Variants in GNG4 observed in about 807,000 individuals in gnomAD.
GNG4 encodes the protein guanine nucleotide-binding protein G(I)/G(S)/G(O) subunit gamma-4.
In GNG4, 4 loss-of-function variants were observed where a neutral mutation model predicts 5.8. The observed-to-expected ratio is 0.69, with a 90% CI of 0.34 to 1.57. The LOEUF is 1.57. Among genes scored for constraint, GNG4 ranks in the 40% most tolerant of loss-of-function variants. GNG4 has a pLI of 0.06. For synonymous variants in GNG4, 29 were observed against 32.9 expected (o/e 0.88, Z 0.41); for missense variants, 96 against 95.1 (o/e 1.01, Z -0.04).
chr1:235,572,319 C>A lies in GNG4; in HGVS notation c.99+11421G>T, dbSNP rs572577842. Among the ~76,000 whole-genome samples the A allele has an allele frequency of 6.6e-5, 10 of 152,224 alleles. No homozygotes were observed. In the South Asian group the frequency reaches 1.7e-3, roughly 25 times the overall value. On this transcript the variant is annotated intron_variant, in intron 3 of 3. Transcript: ENST00000391854. ...GGTTCAAGCGATTCTCTTGCCTCAG[C>A]CTCCCAAGTAGCTGGAATTACAGGC... is the stretch of plus-strand genomic sequence containing the variant.
intron 3 of GNG4, among the ~76,000 whole-genome samples, chr1:235,580,420 TTA>T (rs1455805869): frequency 1.3e-5 from 2 of 152,228 alleles, no homozygotes; most frequent in Non-Finnish European, 2.9e-5. Context: ...AAATTGTATG[TTA>T]TATATATTTT....
chr1:235,583,616 T>G, intron 3 of GNG4, 124 bp downstream of exon 3: 1 of 632,170 alleles, frequency 1.6e-6, no homozygotes, highest in South Asian at 2.0e-5. Flanking sequence ...ATGTTACAGC[T>G]GCCAAGGTTG....
intron 3 of GNG4, among the ~76,000 whole-genome samples, chr1:235,578,344 C>T (rs1267322241): frequency 2.0e-5 from 3 of 152,164 alleles, no homozygotes; most frequent in Non-Finnish European, 4.4e-5. Context: ...AAATTTAGTA[C>T]AGCCATTTTG....
intron 1 of GNG4, among the ~76,000 whole-genome samples, chr1:235,596,233 C>A (rs1235065542): frequency 6.7e-6 from 1 of 148,586 alleles, no homozygotes; most frequent in African/African-American, 2.5e-5. Flanking sequence ...CACACACACA[C>A]ACACACACAC....
At chr1:235,607,326 T>C (rs1420180159) in intron 1 of GNG4, among the ~76,000 whole-genome samples, 1 of 136,276 alleles carries the variant, frequency 7.3e-6, no homozygotes, top group African/African-American at 3.7e-5. Flanking sequence ...CCAATAAAAC[T>C]AATTATTCTT....
intron 1 of GNG4, among the ~76,000 whole-genome samples, chr1:235,608,416 T>G (rs1688407939): frequency 6.6e-6 from 1 of 152,248 alleles, no homozygotes; most frequent in Admixed American, 6.5e-5. Context: ...TGACGTTTAG[T>G]ACATCCACAA....
intron 3 of GNG4, among the ~76,000 whole-genome samples, chr1:235,554,309 A>C (rs1466976093): frequency 6.6e-6 from 1 of 152,208 alleles, no homozygotes; most frequent in Non-Finnish European, 1.5e-5. Flanking sequence ...CACCATGCCC[A>C]GAGATGCAGA....
intron 3 of GNG4, among the ~76,000 whole-genome samples, chr1:235,560,200 A>G (rs942996846): frequency 1.3e-5 from 2 of 152,202 alleles, no homozygotes; most frequent in South Asian, 4.1e-4. Flanking sequence ...GGATGCCATC[A>G]TATATTGCCG....
intron 3 of GNG4, among the ~76,000 whole-genome samples, chr1:235,571,774 G>A (rs574145969): frequency 6.6e-6 from 1 of 152,240 alleles, no homozygotes; most frequent in South Asian, 2.1e-4. Context: ...ATAGGGTATA[G>A]CCTATAGATT....
chr1:235,632,973 C>G (rs1318096628), intron 1 of GNG4, among the ~76,000 whole-genome samples: 1 of 152,172 alleles, frequency 6.6e-6, no homozygotes. Flanking sequence ...TGCTGATCAT[C>G]TGTTCCATAC....
chr1:235,619,274 G>A (rs953676477), intron 1 of GNG4, among the ~76,000 whole-genome samples: 1 of 150,890 alleles, frequency 6.6e-6, no homozygotes, highest in African/African-American at 2.4e-5. Flanking sequence ...GTGTGGGCCT[G>A]TAGTCCCAAA....
At chr1:235,590,404 G>A (rs867083683) in intron 2 of GNG4, among the ~76,000 whole-genome samples, 13 of 151,964 alleles carry the variant, frequency 8.6e-5, no homozygotes, top group Non-Finnish European at 1.2e-4. Context: ...GCAGTGAGCC[G>A]AGATTGCGCC....
upstream of GNG4, among the ~76,000 whole-genome samples, chr1:235,650,322 C>CG (rs540472610): frequency 3.6e-5 from 2 of 55,988 alleles, no homozygotes; most frequent in African/African-American, 1.7e-4. Context: ...GGGGCGGGGC[C>CG]GGGGGGGAAA....
At chr1:235,554,268 A>T (rs1395223531) in intron 3 of GNG4, among the ~76,000 whole-genome samples, 1 of 152,172 alleles carries the variant, frequency 6.6e-6, no homozygotes, top group East Asian at 1.9e-4. Context: ...TGCTGGAGTG[A>T]TGACCTCCTT....
Position 235,572,175 on chromosome 1 carries a change from A to G in GNG4, c.99+11565T>C, listed in dbSNP as rs10926066. ...CACAATGGTAAGTATCTGTGTATCT[A>G]AACAGCTAAACAGAAAAGGTAAGGT... On this transcript the variant is annotated intron_variant, in intron 3 of 3. Coordinates refer to ENST00000391854, the MANE Select transcript of GNG4 (RefSeq NM_001098722.2). 1.9e-3 allele frequency among the ~76,000 whole-genome samples: 126 copies of G among 66,154 alleles called. No individual in the cohort carries two copies. The African/African-American group carries it at 0.019, about 10-fold the overall frequency. 43.4% of individuals were successfully genotyped at this position (66,154 alleles called of 152,430 possible).
chr1:235,583,876 G>C (rs1253169340), intron 2 of GNG4, 28 bp from the exon 3 acceptor site: 3 of 1,426,720 alleles, frequency 2.1e-6, no homozygotes, highest in Non-Finnish European at 2.0e-6. Context: ...AAAAGGGTTA[G>C]AAGAGCTGCT....
intron 1 of GNG4, among the ~76,000 whole-genome samples, chr1:235,621,015 C>T (rs919460664): frequency 5.3e-5 from 8 of 152,126 alleles, no homozygotes; most frequent in Non-Finnish European, 1.2e-4. Flanking sequence ...CAGGTGTCTG[C>T]TCCTTCTCAC....
At chr1:235,613,892 C>T (rs1326461816) in intron 1 of GNG4, among the ~76,000 whole-genome samples, 1 of 152,178 alleles carries the variant, frequency 6.6e-6, no homozygotes, top group East Asian at 1.9e-4. Flanking sequence ...ATAAGGCTGG[C>T]AATCTTCACC....
intron 1 of GNG4, among the ~76,000 whole-genome samples, chr1:235,641,763 G>A (rs1657337199): frequency 1.3e-5 from 2 of 152,112 alleles, no homozygotes; most frequent in Admixed American, 1.3e-4. Flanking sequence ...CATCAGATGA[G>A]CTCATTTGGG....
Sources: allele counts gnomAD v4.1 joint callset (sites outside exome capture counted in the v4.1 genomes callset), GRCh38; gene constraint gnomAD v4.1.1; transcripts MANE v1.5; gene names NCBI Gene and HGNC (gene_info 2026-07-23, HGNC 2026-07-21).